Variants in ARID1B observed in about 807,000 individuals in gnomAD.
The protein encoded by ARID1B is AT-rich interactive domain-containing protein 1B.
In ARID1B, 30 loss-of-function variants were observed where a neutral mutation model predicts 212.3. The observed-to-expected ratio is 0.14, with a 90% CI of 0.11 to 0.19. The LOEUF (loss-of-function observed/expected upper bound fraction) is 0.19, where lower values mean the gene tolerates loss of function less well. Among genes scored for constraint, ARID1B ranks in the 10% least tolerant of loss-of-function variants. The probability of loss-of-function intolerance (pLI) is 1.00; values close to 1 mark genes in which losing one functional copy is unlikely to be tolerated. For missense variants in ARID1B, 2,891 were observed against 3,204.0 expected, an observed-to-expected ratio of 0.90 and a Z score of 2.36; for synonymous variants, 1,402 against 1,301.7, an observed-to-expected ratio of 1.08 and a Z score of -1.66.
At chr6:157,122,777 C>G (rs1787824703) in intron 6 of ARID1B, among the ~76,000 whole-genome samples, 1 of 152,174 alleles carries the variant, frequency 6.6e-6, no homozygotes, top group African/African-American at 2.4e-5. Flanking sequence ...CTCCCAGGTT[C>G]AAGTGATTAT....
At chr6:156,825,578 A>T (rs1285899152) in intron 1 of ARID1B, among the ~76,000 whole-genome samples, 1 of 152,256 alleles carries the variant, frequency 6.6e-6, no homozygotes, top group African/African-American at 2.4e-5. Context: ...TGTTATCTAT[A>T]GCATTAAAAC....
At chr6:157,074,859 G>A (rs768247113) in intron 4 of ARID1B, among the ~76,000 whole-genome samples, 16 of 152,028 alleles carry the variant, frequency 1.1e-4, no homozygotes, top group Non-Finnish European at 1.8e-4. Context: ...ACATCATGGC[G>A]TGGTGTAAGA....
intron 3 of ARID1B, among the ~76,000 whole-genome samples, chr6:156,925,914 T>A (rs187370292): frequency 6.6e-6 from 1 of 152,288 alleles, no homozygotes; most frequent in Non-Finnish European, 1.5e-5. Flanking sequence ...AAGGCACATG[T>A]GATGCACTCG....
At chr6:156,867,685 G>T (rs1191987864) in intron 2 of ARID1B, among the ~76,000 whole-genome samples, 1 of 152,004 alleles carries the variant, frequency 6.6e-6, no homozygotes, top group African/African-American at 2.4e-5. Context: ...CTGCTTTTCA[G>T]GTTAAGAATA....
chr6:156,895,752 A>C (rs991431844), intron 2 of ARID1B, among the ~76,000 whole-genome samples: 7 of 151,580 alleles, frequency 4.6e-5, no homozygotes, highest in East Asian at 3.9e-4. Context: ...ACACACACAC[A>C]CACCCACATA....
At chr6:156,972,941 G>T (rs1777021508) in intron 4 of ARID1B, among the ~76,000 whole-genome samples, 1 of 152,168 alleles carries the variant, frequency 6.6e-6, no homozygotes, top group Non-Finnish European at 1.5e-5. Flanking sequence ...TGATACTTTG[G>T]TTGGTATCTG....
chr6:157,185,270 G>A (rs1792895621), intron 13 of ARID1B: 1 of 152,438 alleles, frequency 6.6e-6, no homozygotes, highest in Admixed American at 6.5e-5. Flanking sequence ...AGTGCTGGGT[G>A]GTGACCTTAC....
intron 7 of ARID1B, among the ~76,000 whole-genome samples, chr6:157,144,718 A>G (rs537254802): frequency 1.3e-5 from 2 of 152,230 alleles, no homozygotes; most frequent in Admixed American, 6.5e-5. Flanking sequence ...CTCTGTGCCC[A>G]CCTACCAGGG....
chr6:157,018,212 C>CTTTTTTTTTTTTTTTT lies in ARID1B; in HGVS notation c.2248-66443_2248-66428dup, dbSNP rs1208883079. Among the ~76,000 whole-genome samples the CTTTTTTTTTTTTTTTT allele has an allele frequency of 4.1e-4, 30 of 72,458 alleles. 4 individuals carry two copies. Among genetic ancestry groups the CTTTTTTTTTTTTTTTT allele is most frequent in the African/African-American group, 1.8e-3 (28 of 15,450 alleles). 47.5% of individuals were successfully genotyped at this position (72,458 alleles called of 152,430 possible). A position where few individuals can be genotyped will look rare whatever the true frequency, so the allele number is the denominator to read the frequency against. ...GAATGTCTAAACAAAAAGTAGTATG[C>CTTTTTTTTTTTTTTTT]TTTTTTTTTTTTTTTTTTTTTTGAG... On this transcript the variant is annotated intron_variant, in intron 4 of 19. Transcript: ENST00000636930.
intron 8 of ARID1B, chr6:157,166,764 C>T (rs1791353198): frequency 1.4e-5 from 4 of 290,206 alleles, no homozygotes; most frequent in Non-Finnish European, 2.5e-5. Flanking sequence ...TGCTTATATT[C>T]CTCTATATAA....
intron 11 of ARID1B, among the ~76,000 whole-genome samples, chr6:157,177,492 G>A (rs551828822): frequency 1.3e-5 from 2 of 152,318 alleles, no homozygotes; most frequent in East Asian, 3.9e-4. Flanking sequence ...AAGGCAAAAT[G>A]ATGAAGATGC....
intron 4 of ARID1B, among the ~76,000 whole-genome samples, chr6:156,973,446 A>G (rs1413926424): frequency 1.3e-5 from 2 of 152,150 alleles, no homozygotes; most frequent in South Asian, 2.1e-4. Context: ...TTTTTAATGC[A>G]TTTTAATAGC....
rs962264300 is a variant in ARID1B, at chr6:157,206,684, C to T, written c.5912C>T (p.Pro1971Leu). The T allele has an allele frequency of 1.9e-5, 30 of 1,612,794 alleles. No individual in the cohort carries two copies. The highest frequency in any genetic ancestry group is 2.4e-5 in the Non-Finnish European group (28 of 1,179,992). Residue 1971 changes from proline (P) to leucine (L), a missense_variant, in exon 20 of 20, where the codon CCC becomes CTC. Coordinates refer to ENST00000636930, the MANE Select transcript of ARID1B (RefSeq NM_001374828.1). The surrounding 1 kb of genome is among the most constrained non-coding windows in gnomAD (Gnocchi z 6.8). The stretch of plus-strand genomic sequence containing the variant: ...ATTCCTCCTCGCAGGCGCCCACCTC[C>T]CCCCTTAAGCTCCGCAGGTAGAAAG... The part of the protein sequence containing the change: ...MEIPPRRRPP[P>L]PLSSAGRKKE...
intron 1 of ARID1B, among the ~76,000 whole-genome samples, chr6:156,800,923 A>C (rs1008363470): frequency 6.6e-6 from 1 of 152,180 alleles, no homozygotes; most frequent in Non-Finnish European, 1.5e-5. Flanking sequence ...AAATGAAATT[A>C]GTTAATGTCT....
At chr6:157,022,180 C>CGGGGCCGGCGGGAGGT (rs1780351221) in intron 4 of ARID1B, 1 of 55,144 alleles carries the variant, frequency 1.8e-5, no homozygotes, top group Non-Finnish European at 3.9e-5. Context: ...GGTGGAGGGG[C>CGGGGCCGGCGGGAGGT]GGGGCCGGCG....
intron 5 of ARID1B, among the ~76,000 whole-genome samples, chr6:157,099,107 G>A (rs903485118): frequency 2.6e-5 from 4 of 152,232 alleles, no homozygotes; most frequent in Admixed American, 6.5e-5. Context: ...GGGATTACAG[G>A]TGCCCACCAC....
intron 9 of ARID1B, among the ~76,000 whole-genome samples, chr6:157,172,570 A>G (rs1302657764): frequency 6.6e-6 from 1 of 152,138 alleles, no homozygotes; most frequent in Non-Finnish European, 1.5e-5. Context: ...TGCTGATGTA[A>G]ACTCATGGGC....
intron 5 of ARID1B, among the ~76,000 whole-genome samples, chr6:157,092,497 C>G (rs965125382): frequency 6.6e-6 from 1 of 152,242 alleles, no homozygotes; most frequent in Non-Finnish European, 1.5e-5. Context: ...TACTCTTCTC[C>G]TTCAGAGGTC....
intron 4 of ARID1B, among the ~76,000 whole-genome samples, chr6:157,047,459 T>C (rs1362593333): frequency 6.6e-6 from 1 of 152,110 alleles, no homozygotes; most frequent in Non-Finnish European, 1.5e-5. Flanking sequence ...GATGACAGAG[T>C]GTTTAGATAG....
Sources: allele counts gnomAD v4.1 joint callset (sites outside exome capture counted in the v4.1 genomes callset), GRCh38; gene constraint gnomAD v4.1.1; non-coding constraint Gnocchi (gnomAD v3.1); transcripts MANE v1.5; gene names NCBI Gene and HGNC (gene_info 2026-07-23, HGNC 2026-07-21).